The following ANKRD55 variants were observed in gnomAD, a reference collection of about 807,000 sequenced individuals.
The protein encoded by ANKRD55 is ankyrin repeat domain-containing protein 55.
ANKRD55 carries 41 observed loss-of-function variants against 60.6 expected under a neutral mutation model. That is an observed-to-expected ratio of 0.68 (90% CI 0.53 to 0.88). ANKRD55 has a LOEUF of 0.88. Among genes scored for constraint, ANKRD55 ranks in the 40% least tolerant of loss-of-function variants. The pLI is 0.00. For missense variants in ANKRD55, 732 were observed against 767.6 expected (o/e 0.95, Z 0.55); for synonymous variants, 264 against 290.3 (o/e 0.91, Z 0.92).
chr5:56,147,915 C>T (rs148812993), intron 6 of ANKRD55, among the ~76,000 whole-genome samples: 4 of 152,192 alleles, frequency 2.6e-5, no homozygotes, highest in African/African-American at 9.6e-5. Flanking sequence ...CTGTTGGGCC[C>T]GCAGAAATTG....
In ANKRD55 at chr5:56,111,507, G is replaced by A. The variant is rs1246047665; in HGVS notation, c.1241C>T (p.Ser414Leu). The A allele has an allele frequency of 6.2e-7, 1 of 1,614,102 alleles. No homozygotes were observed. Among genetic ancestry groups the A allele is most frequent in the Non-Finnish European group, 8.5e-7 (1 of 1,180,026 alleles). The change falls in exon 10 of 12, where the codon TCA becomes TTA. Residue 414 changes from serine to leucine, a missense_variant. Ser to Leu is a moderately radical substitution (Grantham distance 145). This residue lies in a region of ANKRD55 where 597 missense variants were observed against 607.5 expected (regional missense o/e 0.98). Transcript: ENST00000341048. ...TTTCTTTTCTGGTAAGAGATATTTT[G>A]AATTGTCTGAGGTTTTCTTCTTAAA... ...VEFKKKTSDN[S>L]KYLLPEKKPL...
chr5:56,205,743 C>A (rs1759489476), intron 2 of ANKRD55, among the ~76,000 whole-genome samples: 1 of 152,106 alleles, frequency 6.6e-6, no homozygotes, highest in Non-Finnish European at 1.5e-5. Context: ...TATAAAACTG[C>A]CCCTAGTGCC....
chr5:56,159,243 C>T (rs911697260), intron 6 of ANKRD55, among the ~76,000 whole-genome samples: 1 of 152,192 alleles, frequency 6.6e-6, no homozygotes, highest in African/African-American at 2.4e-5. Context: ...AGGCAGATCA[C>T]CTGAGGTCGC....
intron 2 of ANKRD55, among the ~76,000 whole-genome samples, chr5:56,229,026 A>G (rs1319693325): frequency 6.7e-6 from 1 of 149,808 alleles, no homozygotes; most frequent in East Asian, 2.0e-4. Context: ...CTCACCCCCA[A>G]CAATACAGAA....
chr5:56,102,621 A>C, intron 10 of ANKRD55, 35 bp from the exon 11 acceptor site: 5 of 1,502,906 alleles, frequency 3.3e-6, no homozygotes, highest in Non-Finnish European at 4.6e-6. Context: ...ATTACTTGAG[A>C]CTCAACCAAG....
At chr5:56,143,191 A>G (rs923448591) in intron 7 of ANKRD55, among the ~76,000 whole-genome samples, 1 of 152,236 alleles carries the variant, frequency 6.6e-6, no homozygotes, top group African/African-American at 2.4e-5. Flanking sequence ...AAAAAGGAAT[A>G]GATAACTTTT....
rs568516273 is a variant in ANKRD55 at position 56,162,101 on chromosome 5, G to T, written c.423-2208C>A. On this transcript the variant is annotated intron_variant, in intron 5 of 11. Coordinates refer to ENST00000341048, the MANE Select transcript of ANKRD55 (RefSeq NM_024669.3). ...GACTGGGGGAGGAGGGAAGGGCAAG[G>T]CAGGAGGTCAGCTGTGGTCCAGTGT... 110 of 930,888 alleles carry T rather than the reference G, an allele frequency of 1.2e-4. No individual in the cohort carries two copies. In the African/African-American group the frequency reaches 1.8e-3, roughly 15 times the overall value. The allele number at this position is 930,888 out of a possible 1,614,324, so 57.7% of individuals were successfully genotyped here. A position where few individuals can be genotyped will look rare whatever the true frequency, so the allele number is the denominator to read the frequency against.
At chr5:56,129,226 A>C (rs1169210460) in intron 7 of ANKRD55, among the ~76,000 whole-genome samples, 3 of 152,172 alleles carry the variant, frequency 2.0e-5, no homozygotes, top group Non-Finnish European at 4.4e-5. Flanking sequence ...AGACAAGAAG[A>C]AATGGGACTG....
intron 10 of ANKRD55, among the ~76,000 whole-genome samples, chr5:56,103,077 G>T (rs1363020565): frequency 6.6e-6 from 1 of 152,210 alleles, no homozygotes; most frequent in African/African-American, 2.4e-5. Flanking sequence ...TGGAGGTGGG[G>T]CATGGTGTCA....
intron 6 of ANKRD55, among the ~76,000 whole-genome samples, chr5:56,151,993 G>T (rs1758066884): frequency 6.7e-6 from 1 of 148,238 alleles, no homozygotes; most frequent in Non-Finnish European, 1.5e-5. Context: ...TTTTGTGCAA[G>T]CTACTGAACT....
At chr5:56,177,028 A>G (rs1384266238) in intron 3 of ANKRD55, among the ~76,000 whole-genome samples, 1 of 152,202 alleles carries the variant, frequency 6.6e-6, no homozygotes. Flanking sequence ...ACTGCAAGCT[A>G]TGACCCTGAG....
At chr5:56,109,677 G>A (rs566224011) in intron 10 of ANKRD55, among the ~76,000 whole-genome samples, 7 of 151,978 alleles carry the variant, frequency 4.6e-5, no homozygotes, top group Non-Finnish European at 8.8e-5. Context: ...TCTTTAGTGC[G>A]ATAAATTTAT....
At chr5:56,181,562 A>G (rs971826581) in intron 3 of ANKRD55, among the ~76,000 whole-genome samples, 1 of 152,134 alleles carries the variant, frequency 6.6e-6, no homozygotes, top group Non-Finnish European at 1.5e-5. Flanking sequence ...TCCCTAAAAC[A>G]AACCCTACTT....
At chr5:56,157,116 C>T (rs1314183012) in intron 6 of ANKRD55, 1 of 153,990 alleles carries the variant, frequency 6.5e-6, no homozygotes, top group East Asian at 1.9e-4. Flanking sequence ...TGCTGTTAAT[C>T]TGTAACCCTA....
intron 10 of ANKRD55, among the ~76,000 whole-genome samples, chr5:56,104,689 A>G (rs558147878): frequency 2.6e-5 from 4 of 152,334 alleles, no homozygotes; most frequent in African/African-American, 9.6e-5. Context: ...TAACAATAAT[A>G]AATAGATAAT....
intron 8 of ANKRD55, among the ~76,000 whole-genome samples, chr5:56,124,363 A>C (rs910346645): frequency 6.6e-6 from 1 of 152,004 alleles, no homozygotes; most frequent in Non-Finnish European, 1.5e-5. Flanking sequence ...TTACTACTTT[A>C]CTTTTCTTTC....
At chr5:56,178,538 C>T (rs1758787067) in intron 3 of ANKRD55, among the ~76,000 whole-genome samples, 2 of 149,760 alleles carry the variant, frequency 1.3e-5, no homozygotes, top group Non-Finnish European at 3.0e-5. Context: ...CAGCATTGTT[C>T]CTGTATGTAA....
At chr5:56,138,799 A>G (rs1757677549) in intron 7 of ANKRD55, among the ~76,000 whole-genome samples, 1 of 152,224 alleles carries the variant, frequency 6.6e-6, no homozygotes, top group African/African-American at 2.4e-5. Flanking sequence ...TGGAGACAGT[A>G]AAAAGATCAG....
At chr5:56,110,744 T>C (rs1321089590) in intron 10 of ANKRD55, 1 of 236,512 alleles carries the variant, frequency 4.2e-6, no homozygotes. Context: ...GGGGTGGAGA[T>C]TGAATGCCTG....
Sources: gnomAD v4.1 joint callset for allele counts (sites outside exome capture counted in the v4.1 genomes callset) on GRCh38, gnomAD v4.1.1 for gene constraint, gnomAD v4.1.1 regional missense constraint, MANE v1.5 for transcripts, NCBI Gene and HGNC (gene_info 2026-07-23, HGNC 2026-07-21) for gene names.